Variants in MPZL1 observed in about 807,000 individuals in gnomAD.
MPZL1 encodes myelin protein zero like 1, also known as myelin protein zero-like protein 1.
In MPZL1, 16 loss-of-function variants were observed where a neutral mutation model predicts 29.3. The observed-to-expected ratio is 0.55, with a 90% CI of 0.37 to 0.83. MPZL1 has a LOEUF of 0.83. MPZL1 is among the 40% of genes least tolerant of loss of function. The pLI is 0.00. For missense variants in MPZL1, 279 were observed against 332.9 expected (o/e 0.84, Z 1.26); for synonymous variants, 143 against 132.0 (o/e 1.08, Z -0.57).
intron 1 of MPZL1, among the ~76,000 whole-genome samples, chr1:167,732,239 C>T (rs1306024697): frequency 1.3e-5 from 2 of 152,062 alleles, no homozygotes; most frequent in African/African-American, 2.4e-5. Context: ...TCAGAAATTT[C>T]CTTCTACTCT....
intron 1 of MPZL1, among the ~76,000 whole-genome samples, chr1:167,727,117 G>T (rs1388390882): frequency 1.3e-5 from 2 of 152,134 alleles, no homozygotes; most frequent in African/African-American, 4.8e-5. Context: ...ATGTTATAGG[G>T]TTTCTTTAAA....
At chr1:167,775,948 T>C in intron 4 of MPZL1, 116 bp from the exon 5 acceptor site, 1 of 596,200 alleles carries the variant, frequency 1.7e-6, no homozygotes, top group Non-Finnish European at 2.7e-6. Flanking sequence ...ATGTTGTCTT[T>C]TGTTTTTATA....
chr1:167,728,247 G>C (rs540043100), intron 1 of MPZL1, among the ~76,000 whole-genome samples: 2 of 151,630 alleles, frequency 1.3e-5, no homozygotes, highest in Admixed American at 1.3e-4. Flanking sequence ...TTGCCATGTC[G>C]GGCAGGCTGG....
At chr1:167,736,139 C>G (rs1029564697) in intron 1 of MPZL1, among the ~76,000 whole-genome samples, 2 of 152,270 alleles carry the variant, frequency 1.3e-5, no homozygotes, top group South Asian at 4.1e-4. Context: ...TGACATTACT[C>G]CTGGTTCTCA....
intron 1 of MPZL1, among the ~76,000 whole-genome samples, chr1:167,753,987 T>C (rs1660813583): frequency 6.6e-6 from 1 of 151,556 alleles, no homozygotes; most frequent in Non-Finnish European, 1.5e-5. Flanking sequence ...CATTAGATTC[T>C]AGCAGCTGGA....
intron 1 of MPZL1, among the ~76,000 whole-genome samples, chr1:167,762,610 G>A (rs538108376): frequency 6.6e-6 from 1 of 152,196 alleles, no homozygotes. Flanking sequence ...GATTGGCTAC[G>A]GCCTGTTTAC....
Position 167,780,233 on chromosome 1 carries a change from G to T in MPZL1, c.708+4067G>T, listed in dbSNP as rs114258895. On this transcript the variant is annotated intron_variant, in intron 5 of 5. Transcript: ENST00000359523. ...ATAGAACACAAATAATGAAGTGGTA[G>T]ATTTAAACTCAACCAGACTGATGAT... Among the ~76,000 whole-genome samples the T allele has an allele frequency of 7.3e-3, 1,107 of 152,298 alleles. 15 individuals carry two copies. The highest frequency in any genetic ancestry group is 0.025 in the African/African-American group (1,046 of 41,556).
chr1:167,778,365 A>G (rs1661415527), intron 5 of MPZL1, among the ~76,000 whole-genome samples: 2 of 151,888 alleles, frequency 1.3e-5, no homozygotes, highest in Non-Finnish European at 2.9e-5. Context: ...AAACCAAAAA[A>G]TAAAACACAT....
chr1:167,731,581 C>G (rs925051529), intron 1 of MPZL1, among the ~76,000 whole-genome samples: 1 of 151,996 alleles, frequency 6.6e-6, no homozygotes, highest in Non-Finnish European at 1.5e-5. Flanking sequence ...GGACTACAGG[C>G]AGCCGCCACC....
chr1:167,787,286 A>G (rs1661610989), intron 5 of MPZL1: 1 of 152,340 alleles, frequency 6.6e-6, no homozygotes, highest in Admixed American at 6.5e-5. Flanking sequence ...GTATTGAAGA[A>G]TATTTGAAGT....
At chr1:167,772,139 G>T (rs913209097) in intron 2 of MPZL1, 136 bp from the exon 3 acceptor site, 39 of 710,752 alleles carry the variant, frequency 5.5e-5, no homozygotes, top group Non-Finnish European at 8.3e-5. Context: ...GAGAGAGGGG[G>T]AGAGGGAGAG....
In MPZL1 at chr1:167,760,347, C is replaced by T. The variant is rs34836378; in HGVS notation, c.92-5236C>T. On this transcript the variant is annotated intron_variant, in intron 1 of 5. Transcript: ENST00000359523. Reference sequence around the variant, plus strand: ...CCTTCCGATTAGCTGGTACTACAGGCGCCCGCCACCACACCAGCTAATTCT... The same window carrying T: ...CCTTCCGATTAGCTGGTACTACAGGTGCCCGCCACCACACCAGCTAATTCT... Among the ~76,000 whole-genome samples the T allele has an allele frequency of 3.5e-3, 278 of 79,374 alleles. 2 individuals carry two copies. The highest frequency in any genetic ancestry group is 4.7e-3 in the Admixed American group (32 of 6,844). 52.1% of individuals were successfully genotyped at this position (79,374 alleles called of 152,430 possible).
intron 1 of MPZL1, among the ~76,000 whole-genome samples, chr1:167,722,632 C>A (rs757848274): frequency 5.5e-4 from 83 of 152,190 alleles, no homozygotes; most frequent in Admixed American, 1.6e-3. Context: ...GACTCAGGAA[C>A]TAGGGTTCTG....
chr1:167,763,669 A>ACTAGT lies in MPZL1; in HGVS notation c.92-1906_92-1902dup, dbSNP rs376433546. On this transcript the variant is annotated intron_variant, in intron 1 of 5. Transcript: ENST00000359523. ...GCTGCTTCCTGGAATAAGCTGGTCCACTAGTCTAGTCTTGTGCTTTGTCCT... is the reference window on the plus strand; with the variant it reads ...GCTGCTTCCTGGAATAAGCTGGTCCACTAGTCTAGTCTAGTCTTGTGCTTTGTCCT... Among the ~76,000 whole-genome samples, 250 of 152,312 alleles carry ACTAGT rather than the reference A, an allele frequency of 1.6e-3. 2 individuals are homozygous for ACTAGT. The highest frequency in any genetic ancestry group is 5.7e-3 in the African/African-American group (236 of 41,562).
Position 167,722,184 on chromosome 1 carries a change from T to C in MPZL1, c.33T>C (p.Ile11=), listed in dbSNP as rs1159202235. Residue 11 remains isoleucine (I), a synonymous_variant, in exon 1 of 6, where the codon ATT becomes ATC. Coordinates refer to ENST00000359523, the MANE Select transcript of MPZL1 (RefSeq NM_003953.6). ...CGTCCGCCGGAGCCGGGGCGGTGATTGCAGCCCCAGACAGCCGGCGCTGGC... is the reference window on the plus strand; with the variant it reads ...CGTCCGCCGGAGCCGGGGCGGTGATCGCAGCCCCAGACAGCCGGCGCTGGC... The part of the protein sequence containing the change: MAASAGAGAV[I]AAPDSRRWLW... 4.8e-6 allele frequency: 6 copies of C among 1,238,044 alleles called. No individual in the cohort carries two copies. Among genetic ancestry groups the C allele is most frequent in the Non-Finnish European group, 6.1e-6 (6 of 988,206 alleles). The allele number at this position is 1,238,044 out of a possible 1,614,324, so 76.7% of individuals were successfully genotyped here.
At chr1:167,765,467 A>T in intron 1 of MPZL1, 116 bp from the exon 2 acceptor site, 1 of 714,632 alleles carries the variant, frequency 1.4e-6, no homozygotes, top group Non-Finnish European at 2.2e-6. Flanking sequence ...ATGTAATGGC[A>T]GTGAATTACT....
At chr1:167,750,707 G>A (rs1015648460) in intron 1 of MPZL1, among the ~76,000 whole-genome samples, 1 of 152,044 alleles carries the variant, frequency 6.6e-6, no homozygotes, top group Non-Finnish European at 1.5e-5. Context: ...ATCAAAATTA[G>A]GAAATGAATA....
At chr1:167,728,062 A>T (rs1426921149) in intron 1 of MPZL1, among the ~76,000 whole-genome samples, 20 of 137,930 alleles carry the variant, frequency 1.5e-4, no homozygotes, top group Non-Finnish European at 2.2e-4. Flanking sequence ...TTTCTGAGGC[A>T]GAGTTTCACT....
chr1:167,760,269 C>G (rs530443956), intron 1 of MPZL1, among the ~76,000 whole-genome samples: 1 of 152,222 alleles, frequency 6.6e-6, no homozygotes, highest in African/African-American at 2.4e-5. Flanking sequence ...GTGGTGTGAT[C>G]TCAGCTCACT....
Sources: gnomAD v4.1 joint callset for allele counts (sites outside exome capture counted in the v4.1 genomes callset) on GRCh38, gnomAD v4.1.1 for gene constraint, MANE v1.5 for transcripts, NCBI Gene and HGNC (gene_info 2026-07-23, HGNC 2026-07-21) for gene names.